Variants in TFDP2 observed in about 807,000 individuals in gnomAD.
The protein encoded by TFDP2 is transcription factor Dp-2.
A neutral mutation model predicts 59.3 loss-of-function variants in TFDP2; 17 were observed. That is an observed-to-expected ratio of 0.29 (90% confidence interval 0.20 to 0.43). TFDP2 has a LOEUF of 0.43. Ranked by LOEUF, TFDP2 falls within the 20% of genes least tolerant of loss-of-function variation. The pLI, the probability that TFDP2 is intolerant of heterozygous loss-of-function variation, is 1.00. For missense variants in TFDP2, 391 were observed against 528.8 expected (o/e 0.74, Z 2.56); for synonymous variants, 180 against 194.7 (o/e 0.92, Z 0.63).
At chr3:141,994,369 C>T (rs1943065249) in intron 5 of TFDP2, 1 of 152,070 alleles carries the variant, frequency 6.6e-6, no homozygotes, top group African/African-American at 2.4e-5. Flanking sequence ...TCTAAAGTAA[C>T]AAAACGTCTA....
intron 8 of TFDP2, among the ~76,000 whole-genome samples, chr3:141,972,260 A>T (rs1236017743): frequency 6.6e-6 from 1 of 152,174 alleles, no homozygotes; most frequent in African/African-American, 2.4e-5. Flanking sequence ...AGCTGCACTG[A>T]TTGTACCTCT....
intron 1 of TFDP2, among the ~76,000 whole-genome samples, chr3:142,139,286 T>C (rs547492814): frequency 6.6e-6 from 1 of 152,304 alleles, no homozygotes; most frequent in South Asian, 2.1e-4. Flanking sequence ...GTCTCCTGAA[T>C]ATAGCACACT....
intron 1 of TFDP2, among the ~76,000 whole-genome samples, chr3:142,111,448 A>G (rs902036707): frequency 6.6e-6 from 1 of 151,000 alleles, no homozygotes; most frequent in Non-Finnish European, 1.5e-5. Context: ...AAAAAAAAAA[A>G]GATTCATATA....
chr3:142,077,098 G>A lies in TFDP2; in HGVS notation c.82+15963C>T, dbSNP rs1401422266. On this transcript the variant is annotated intron_variant, in intron 3 of 12. Transcript: ENST00000489671. ...ATTGGAACTCAGTGCTGTCAACACT[G>A]GGCAGAACTCAGCTGATACCCACAG... Among the ~76,000 whole-genome samples, 4 of 152,100 alleles carry A rather than the reference G, an allele frequency of 2.6e-5. No homozygotes were observed. In the East Asian group the frequency reaches 7.7e-4, roughly 29 times the overall value.
At chr3:142,030,075 T>C (rs571169399) in intron 3 of TFDP2, among the ~76,000 whole-genome samples, 1 of 152,364 alleles carries the variant, frequency 6.6e-6, no homozygotes, top group East Asian at 1.9e-4. Context: ...TCTAAAACAG[T>C]GTCTGTTAGA....
chr3:141,984,061 ACTGCCCAC>A (rs1941787694), intron 6 of TFDP2, among the ~76,000 whole-genome samples: 1 of 136,622 alleles, frequency 7.3e-6, no homozygotes, highest in African/African-American at 2.9e-5. Flanking sequence ...AAGCAACCCA[ACTGCCCAC>A]CAATGAATGG....
chr3:141,986,238 T>C (rs577206229), intron 6 of TFDP2, among the ~76,000 whole-genome samples: 1 of 152,332 alleles, frequency 6.6e-6, no homozygotes, highest in African/African-American at 2.4e-5. Context: ...GAGAGTTACC[T>C]GGCTACAGTG....
chr3:142,024,606 G>C (rs541527192), intron 3 of TFDP2, among the ~76,000 whole-genome samples: 232 of 152,148 alleles, frequency 1.5e-3, no homozygotes, highest in Admixed American at 3.7e-3. Context: ...TTCTGAATCG[G>C]GTTACAATAA....
Position 141,946,558 on chromosome 3 carries a change from G to A in TFDP2, c.*5955C>T, listed in dbSNP as rs1935270913. On this transcript the variant is annotated 3_prime_UTR_variant, in exon 13 of 13. Coordinates refer to ENST00000489671, the MANE Select transcript of TFDP2 (RefSeq NM_001178139.2). ...GGGACTCCCAGGGCTTAGCCAGAGG[G>A]TCAAAGTGTTGTGCCCACTCACTTT... is the stretch of plus-strand genomic sequence containing the variant. The A allele has an allele frequency of 1.3e-5, 2 of 152,204 alleles. No individual in the cohort carries two copies. Among genetic ancestry groups the A allele is most frequent in the South Asian group, 4.1e-4 (2 of 4,836 alleles). The allele number at this position is 152,204 out of a possible 1,614,324, so 9.4% of individuals were successfully genotyped here. A position where few individuals can be genotyped will look rare whatever the true frequency, so the allele number is the denominator to read the frequency against.
rs56088159 is a variant in TFDP2 at position 142,084,190 on chromosome 3, A to G, written c.82+8871T>C. On this transcript the variant is annotated intron_variant, in intron 3 of 12. Transcript: ENST00000489671. ...AAGATCTGAATAGACATTTCTCAAAATAAGACATATAAATGGCAAACAGGT... is the reference window on the plus strand; with the variant it reads ...AAGATCTGAATAGACATTTCTCAAAGTAAGACATATAAATGGCAAACAGGT... Among the ~76,000 whole-genome samples the G allele has an allele frequency of 1.3e-5, 2 of 152,232 alleles. 1 individual carries two copies. Among genetic ancestry groups the G allele is most frequent in the East Asian group, 3.8e-4 (2 of 5,204 alleles).
chr3:142,072,202 T>C (rs1241662260), intron 3 of TFDP2, among the ~76,000 whole-genome samples: 2 of 152,244 alleles, frequency 1.3e-5, no homozygotes, highest in Admixed American at 6.5e-5. Context: ...TAACTTACTA[T>C]GTGCAGTTGC....
At chr3:142,136,389 G>T (rs1382608489) in intron 1 of TFDP2, among the ~76,000 whole-genome samples, 2 of 151,942 alleles carry the variant, frequency 1.3e-5, no homozygotes, top group Non-Finnish European at 2.9e-5. Flanking sequence ...CACTCTGATG[G>T]CAGTTTCTTT....
At chr3:142,078,098 A>G (rs576936067) in intron 3 of TFDP2, among the ~76,000 whole-genome samples, 7 of 152,150 alleles carry the variant, frequency 4.6e-5, no homozygotes, top group Admixed American at 3.9e-4. Flanking sequence ...CTGCCTGTGG[A>G]AAGGGGAGAG....
In TFDP2 at chr3:142,131,614, AC is replaced by A. The variant is rs1387435345; in HGVS notation, c.-93+17568del. ...CAGATCAATACAAAAATTAATAAAC[AC>A]TTGGAGTATATAATGGTAAAGAAAA... is the stretch of plus-strand genomic sequence containing the variant. On this transcript the variant is annotated intron_variant, in intron 1 of 12. Coordinates refer to ENST00000489671, the MANE Select transcript of TFDP2 (RefSeq NM_001178139.2). Among the ~76,000 whole-genome samples the A allele has an allele frequency of 3.3e-5, 5 of 150,420 alleles. 1 individual carries two copies. The highest frequency in any genetic ancestry group is 1.3e-4 in the African/African-American group (5 of 39,834).
intron 4 of TFDP2, among the ~76,000 whole-genome samples, chr3:142,004,198 T>G (rs1944041704): frequency 1.3e-5 from 2 of 152,190 alleles, no homozygotes; most frequent in African/African-American, 4.8e-5. Flanking sequence ...CTTCACATAG[T>G]TACAGTAAAT....
chr3:142,035,515 T>C (rs750035950), intron 3 of TFDP2, among the ~76,000 whole-genome samples: 8 of 152,156 alleles, frequency 5.3e-5, no homozygotes, highest in African/African-American at 1.9e-4. Flanking sequence ...ATAAGCCTCA[T>C]TGAGAGAGAT....
chr3:142,137,987 G>A (rs2062798906), intron 1 of TFDP2, among the ~76,000 whole-genome samples: 1 of 152,160 alleles, frequency 6.6e-6, no homozygotes, highest in Non-Finnish European at 1.5e-5. Context: ...GAATTTGGCT[G>A]TGAATCTGTC....
intron 4 of TFDP2, among the ~76,000 whole-genome samples, chr3:142,001,091 G>A (rs1414662426): frequency 6.6e-6 from 1 of 152,182 alleles, no homozygotes; most frequent in Non-Finnish European, 1.5e-5. Context: ...ACCAAGCTTT[G>A]CCCTGGTGAG....
intron 1 of TFDP2, among the ~76,000 whole-genome samples, chr3:142,102,641 A>G (rs2061348796): frequency 6.6e-6 from 1 of 152,202 alleles, no homozygotes; most frequent in African/African-American, 2.4e-5. Context: ...CAAAATACCT[A>G]CTAATTCAAA....
Sources: gnomAD v4.1 joint callset for allele counts (sites outside exome capture counted in the v4.1 genomes callset) on GRCh38, gnomAD v4.1.1 for gene constraint, MANE v1.5 for transcripts, NCBI Gene and HGNC (gene_info 2026-07-23, HGNC 2026-07-21) for gene names.